Variants in TENM2 observed in about 807,000 individuals in gnomAD.
TENM2 encodes the protein teneurin-2.
TENM2 carries 52 observed loss-of-function variants against 245.2 expected under a neutral mutation model. That is an observed-to-expected ratio of 0.21 (90% CI 0.17 to 0.27). TENM2 has a LOEUF of 0.27. Ranked by LOEUF, TENM2 falls within the 10% of genes least tolerant of loss-of-function variation. The pLI, the probability that TENM2 is intolerant of heterozygous loss-of-function variation, is 1.00. For missense variants in TENM2, 3,046 were observed against 3,666.8 expected (o/e 0.83, Z 4.37); for synonymous variants, 1,363 against 1,438.9 (o/e 0.95, Z 1.19).
intron 1 of TENM2, among the ~76,000 whole-genome samples, chr5:167,286,699 A>G (rs1754293083): frequency 6.6e-6 from 1 of 152,146 alleles, no homozygotes; most frequent in Non-Finnish European, 1.5e-5. Flanking sequence ...CTGTGCTGAA[A>G]TGTTCACTTT....
At chr5:167,747,505 A>G (rs1050881637) in intron 2 of TENM2, among the ~76,000 whole-genome samples, 11 of 152,278 alleles carry the variant, frequency 7.2e-5, no homozygotes, top group African/African-American at 2.4e-4. Flanking sequence ...AACTTTCTCA[A>G]AGATATGCCT....
chr5:168,218,161 C>A lies in TENM2; in HGVS notation c.4270C>A (p.Pro1424Thr), dbSNP rs1204409517. 6.2e-7 allele frequency: 1 copy of A among 1,613,832 alleles called. No individual in the cohort carries two copies. The highest frequency in any genetic ancestry group is 1.7e-5 in the Admixed American group (1 of 60,018). ...GTGGCCAACAGACCTTGCTGTCAATCCCATGGATAACTCCTTGTATGTTCT... is the reference window on the plus strand; with the variant it reads ...GTGGCCAACAGACCTTGCTGTCAATACCATGGATAACTCCTTGTATGTTCT... Residue 1424 changes from proline to threonine, a missense_variant, in exon 23 of 29, where the codon CCC becomes ACC. By Grantham distance (38) the Pro-to-Thr change is conservative. Around this residue, in one of 2 missense-constraint regions of TENM2, gnomAD observed 2,704 missense variants for 3,331.9 expected, o/e 0.81. Transcript: ENST00000518659. This position sits in a 1 kb window ranked among gnomAD's most constrained non-coding sequence, Gnocchi z 5.2.
chr5:167,428,325 C>A lies in TENM2; in HGVS notation c.502+52852C>A, dbSNP rs374202513. On this transcript the variant is annotated intron_variant, in intron 2 of 28. Transcript: ENST00000518659. The stretch of plus-strand genomic sequence containing the variant: ...AACCCTATCCTTTGAATAAATACAA[C>A]CAAATTTTAGTTAGGTAAATTTTGT... Among the ~76,000 whole-genome samples the A allele has an allele frequency of 1.4e-3, 213 of 152,234 alleles. 10 individuals are homozygous for A. The South Asian group carries it at 0.043, about 30-fold the overall frequency.
At chr5:167,883,987 C>T (rs1774085216) in intron 3 of TENM2, among the ~76,000 whole-genome samples, 1 of 152,170 alleles carries the variant, frequency 6.6e-6, no homozygotes, top group Non-Finnish European at 1.5e-5. Context: ...AGTGTGGACT[C>T]TGACGTCCAT....
chr5:167,595,461 T>C (rs1450490915), intron 2 of TENM2, among the ~76,000 whole-genome samples: 1 of 152,188 alleles, frequency 6.6e-6, no homozygotes, highest in East Asian at 1.9e-4. Flanking sequence ...GTTTTTGACA[T>C]GAAGTCTAAC....
chr5:167,356,613 A>G (rs949822052), intron 1 of TENM2, among the ~76,000 whole-genome samples: 2 of 152,218 alleles, frequency 1.3e-5, no homozygotes, highest in African/African-American at 4.8e-5. Flanking sequence ...CCAAATGGCC[A>G]GAGTATTTGA....
intron 2 of TENM2, among the ~76,000 whole-genome samples, chr5:167,741,960 A>C (rs997221480): frequency 6.6e-6 from 1 of 152,192 alleles, no homozygotes; most frequent in Non-Finnish European, 1.5e-5. Context: ...TGCAGGAACA[A>C]TGAGTACACA....
At chr5:168,043,196 T>G (rs1280093372) in intron 5 of TENM2, among the ~76,000 whole-genome samples, 2 of 151,942 alleles carry the variant, frequency 1.3e-5, no homozygotes, top group East Asian at 3.9e-4. Flanking sequence ...AATCTTGAGA[T>G]GAAGCAGCAA....
At chr5:166,995,333 A>G in the TENM2 span, among the ~76,000 whole-genome samples, 1 of 151,620 alleles carries the variant, frequency 6.6e-6, no homozygotes, top group Non-Finnish European at 1.5e-5. Flanking sequence ...TCCCCCTCCC[A>G]GGTTCACGCC....
At chr5:168,159,358 G>A (rs894721224) in intron 12 of TENM2, among the ~76,000 whole-genome samples, 10 of 152,082 alleles carry the variant, frequency 6.6e-5, no homozygotes, top group African/African-American at 2.4e-4. Flanking sequence ...TTGGAGACAG[G>A]CAGTACCAGC....
intron 2 of TENM2, among the ~76,000 whole-genome samples, chr5:167,799,237 G>A (rs965442443): frequency 2.0e-5 from 3 of 152,194 alleles, no homozygotes; most frequent in Non-Finnish European, 4.4e-5. Flanking sequence ...GCAGGGGAGG[G>A]GGTGTACTTG....
intron 2 of TENM2, among the ~76,000 whole-genome samples, chr5:167,591,261 G>A (rs1330360694): frequency 1.3e-5 from 2 of 152,166 alleles, no homozygotes; most frequent in African/African-American, 4.8e-5. Context: ...GCTCTGACAA[G>A]TTCAACAATA....
chr5:167,757,001 T>C (rs1762351378), intron 2 of TENM2, among the ~76,000 whole-genome samples: 1 of 152,040 alleles, frequency 6.6e-6, no homozygotes, highest in South Asian at 2.1e-4. Flanking sequence ...CAAATATGCT[T>C]GGCAGTACTT....
At chr5:167,953,181 A>C (rs1780257438) in intron 4 of TENM2, among the ~76,000 whole-genome samples, 1 of 152,232 alleles carries the variant, frequency 6.6e-6, no homozygotes, top group Non-Finnish European at 1.5e-5. Context: ...CCTTTCTTGA[A>C]GTAATAAATG....
intron 3 of TENM2, among the ~76,000 whole-genome samples, chr5:167,905,203 T>A (rs1442824406): frequency 6.6e-6 from 1 of 152,134 alleles, no homozygotes; most frequent in Non-Finnish European, 1.5e-5. Flanking sequence ...TCTGTCGATG[T>A]CTATTCCATT....
intron 8 of TENM2, among the ~76,000 whole-genome samples, chr5:168,095,125 G>A (rs1793257150): frequency 6.6e-6 from 1 of 152,072 alleles, no homozygotes; most frequent in African/African-American, 2.4e-5. Context: ...AATAATAATA[G>A]AAATAAAATG....
intron 2 of TENM2, among the ~76,000 whole-genome samples, chr5:167,843,364 G>A (rs1239088285): frequency 6.6e-6 from 1 of 152,186 alleles, no homozygotes; most frequent in Non-Finnish European, 1.5e-5. Context: ...GCACCAAACT[G>A]TGTCTTACAT....
the TENM2 span, among the ~76,000 whole-genome samples, chr5:167,240,461 A>C: frequency 6.6e-6 from 1 of 152,032 alleles, no homozygotes; most frequent in South Asian, 2.1e-4. Context: ...GTATCAGTTA[A>C]GTTAAAAAAA....
intron 3 of TENM2, among the ~76,000 whole-genome samples, chr5:167,947,667 C>T (rs1779742551): frequency 6.6e-6 from 1 of 152,190 alleles, no homozygotes; most frequent in South Asian, 2.1e-4. Flanking sequence ...TCTGCCAACA[C>T]CATCTCCTCT....
Sources: gnomAD v4.1 joint callset for allele counts (sites outside exome capture counted in the v4.1 genomes callset) on GRCh38, gnomAD v4.1.1 for gene constraint, gnomAD v4.1.1 regional missense constraint, Gnocchi (gnomAD v3.1) non-coding constraint, MANE v1.5 for transcripts, NCBI Gene and HGNC (gene_info 2026-07-23, HGNC 2026-07-21) for gene names.